ADGB: variants seen among roughly 807,000 people sequenced by gnomAD.
ADGB encodes the protein androglobin.
In ADGB, 172 loss-of-function variants were observed where a neutral mutation model predicts 210.5. That is an observed-to-expected ratio of 0.82 (90% CI 0.72 to 0.93). ADGB has a LOEUF of 0.93. ADGB is among the 40% of genes least tolerant of loss of function. The pLI is 0.00. For synonymous variants in ADGB, 658 were observed against 662.7 expected, an observed-to-expected ratio of 0.99 and a Z score of 0.11; for missense variants, 2,025 against 1,964.8, an observed-to-expected ratio of 1.03 and a Z score of -0.58.
At chr6:146,810,268 C>G (rs1455030675) in intron 35 of ADGB, among the ~76,000 whole-genome samples, 2 of 152,230 alleles carry the variant, frequency 1.3e-5, no homozygotes, top group East Asian at 1.9e-4. Context: ...TCACCTCACA[C>G]CTGTTAAGAT....
At chr6:146,638,776 G>A (rs1775465839) in intron 2 of ADGB, 1 of 151,660 alleles carries the variant, frequency 6.6e-6, no homozygotes, top group Admixed American at 6.6e-5. Context: ...TGTTCTTAGA[G>A]TTATTTCTAA....
chr6:146,750,933 G>T (rs1033922919), intron 26 of ADGB, among the ~76,000 whole-genome samples: 1 of 152,068 alleles, frequency 6.6e-6, no homozygotes, highest in African/African-American at 2.4e-5. Flanking sequence ...TCTATTAAGA[G>T]GTTTGGTGGC....
chr6:146,672,241 T>C lies in ADGB; in HGVS notation c.861T>C (p.Val287=), dbSNP rs1319117621. ...TTAGCCCGGGATATATGGACAAAGTTTGGGAGCTCCTGAAAGAAATATTGC... is the reference window on the plus strand; with the variant it reads ...TTAGCCCGGGATATATGGACAAAGTCTGGGAGCTCCTGAAAGAAATATTGC... ...ISLHPGYMDK[V]WELLKEILPE... Residue 287 remains valine, a synonymous_variant, in exon 8 of 36, where the codon GTT becomes GTC. Transcript: ENST00000397944. 1.9e-6 allele frequency: 3 copies of C among 1,539,004 alleles called. No homozygotes were observed. Among genetic ancestry groups the C allele is most frequent in the East Asian group, 2.5e-5 (1 of 40,630 alleles).
intron 26 of ADGB, among the ~76,000 whole-genome samples, chr6:146,746,368 C>A (rs1421403263): frequency 6.6e-6 from 1 of 152,052 alleles, no homozygotes; most frequent in South Asian, 2.1e-4. Context: ...CATGACATGG[C>A]TTCCTCTTAC....
At chr6:146,753,281 GA>G (rs1053443482) in intron 27 of ADGB, among the ~76,000 whole-genome samples, 2 of 151,852 alleles carry the variant, frequency 1.3e-5, no homozygotes, top group African/African-American at 2.4e-5. Flanking sequence ...GTGCTACTCA[GA>G]AAAAAAGTTA....
chr6:146,672,840 C>T (rs1365673821), intron 8 of ADGB, among the ~76,000 whole-genome samples: 3 of 151,814 alleles, frequency 2.0e-5, no homozygotes, highest in Non-Finnish European at 4.4e-5. Context: ...AAGTGATTCG[C>T]CTGCCTCAGC....
chr6:146,686,687 C>T (rs1776238218), intron 10 of ADGB, among the ~76,000 whole-genome samples: 1 of 152,214 alleles, frequency 6.6e-6, no homozygotes, highest in Admixed American at 6.6e-5. Flanking sequence ...AAGTTATTAA[C>T]AATTTATTTA....
In ADGB at chr6:146,788,450, C is replaced by T. The variant is rs752805154; in HGVS notation, c.4377C>T (p.Ser1459=). The stretch of plus-strand genomic sequence containing the variant: ...CAAAGAATTCTGCAGGTTCAGAGAG[C>T]AAAGAGATGACACAAACAGGATCAG... The part of the protein sequence containing the change: ...PNSKNSAGSE[S]KEMTQTGSGS... The change falls in exon 33 of 36, where the codon AGC becomes AGT. Residue 1459 remains serine (S), a synonymous_variant. Coordinates refer to ENST00000397944, the MANE Select transcript of ADGB (RefSeq NM_024694.4). 3.9e-6 allele frequency: 6 copies of T among 1,551,326 alleles called. No homozygotes were observed. Among genetic ancestry groups the T allele is most frequent in the Non-Finnish European group, 5.2e-6 (6 of 1,146,910 alleles).
chr6:146,669,849 T>A (rs1775983508), intron 7 of ADGB, among the ~76,000 whole-genome samples: 1 of 152,136 alleles, frequency 6.6e-6, no homozygotes. Flanking sequence ...GTCAAAAGTG[T>A]ATCTTAAACT....
chr6:146,716,780 C>T (rs531158773), intron 14 of ADGB, 103 bp from the exon 15 acceptor site: 3 of 1,125,340 alleles, frequency 2.7e-6, no homozygotes, highest in East Asian at 2.6e-5. Flanking sequence ...AAATATTTTC[C>T]CAAAAATAGA....
At chr6:146,813,603 C>A (rs933451146) in intron 35 of ADGB, among the ~76,000 whole-genome samples, 6 of 148,790 alleles carry the variant, frequency 4.0e-5, no homozygotes, top group African/African-American at 1.5e-4. Flanking sequence ...TGTTGTGTCC[C>A]CAGACCTTCA....
At chr6:146,789,799 C>T (rs1317328757) in intron 33 of ADGB, among the ~76,000 whole-genome samples, 1 of 152,138 alleles carries the variant, frequency 6.6e-6, no homozygotes, top group Admixed American at 6.5e-5. Context: ...GCTATCTCCA[C>T]TTCTAAAATG....
At chr6:146,603,228 A>G (rs138331459) in intron 1 of ADGB, among the ~76,000 whole-genome samples, 2,276 of 152,332 alleles carry the variant, frequency 0.015, 35 homozygotes, top group Non-Finnish European at 0.025. Flanking sequence ...AAATTAATTG[A>G]TCAATCTAAT....
chr6:146,649,945 C>T (rs1775676795), intron 3 of ADGB, among the ~76,000 whole-genome samples: 1 of 152,088 alleles, frequency 6.6e-6, no homozygotes, highest in Non-Finnish European at 1.5e-5. Context: ...CATACATATA[C>T]CTAAACATAT....
rs924208517 is a variant in ADGB at position 146,754,679 on chromosome 6, C to A, written c.3550+1965C>A. Among the ~76,000 whole-genome samples the A allele has an allele frequency of 3.4e-4, 52 of 151,626 alleles. 1 individual carries two copies. Among genetic ancestry groups the A allele is most frequent in the Admixed American group, 2.8e-3 (42 of 15,186 alleles). ...TTAGAATTTCTAAATAATAAAATTG[C>A]TTTATTTAGCCTATTTCTGTTAATT... On this transcript the variant is annotated intron_variant, in intron 27 of 35. Coordinates refer to ENST00000397944, the MANE Select transcript of ADGB (RefSeq NM_024694.4).
chr6:146,631,625 C>T (rs1205009485), intron 1 of ADGB, among the ~76,000 whole-genome samples: 2 of 151,992 alleles, frequency 1.3e-5, no homozygotes. Context: ...ATTACTTTGT[C>T]CAGGTACCAT....
intron 17 of ADGB, among the ~76,000 whole-genome samples, chr6:146,722,171 C>T (rs944746285): frequency 6.6e-6 from 1 of 152,140 alleles, no homozygotes; most frequent in Non-Finnish European, 1.5e-5. Flanking sequence ...CTCTATCCCA[C>T]CTTGGTCCCC....
intron 1 of ADGB, among the ~76,000 whole-genome samples, chr6:146,599,473 T>C (rs1037404659): frequency 2.0e-5 from 3 of 152,140 alleles, no homozygotes; most frequent in Non-Finnish European, 4.4e-5. Flanking sequence ...CACATCTTCA[T>C]GGCCCCGGAA....
chr6:146,753,739 C>A (rs1211676942), intron 27 of ADGB, among the ~76,000 whole-genome samples: 1 of 151,804 alleles, frequency 6.6e-6, no homozygotes, highest in South Asian at 2.1e-4. Flanking sequence ...CTCTTGCATT[C>A]TTAGAATGAA....
Sources: allele counts gnomAD v4.1 joint callset (sites outside exome capture counted in the v4.1 genomes callset), GRCh38; gene constraint gnomAD v4.1.1; transcripts MANE v1.5; gene names NCBI Gene and HGNC (gene_info 2026-07-23, HGNC 2026-07-21).